AGFG2: variants seen among roughly 807,000 people sequenced by gnomAD.
The protein encoded by AGFG2 is arf-GAP domain and FG repeat-containing protein 2.
A neutral mutation model predicts 48.0 loss-of-function variants in AGFG2; 31 were observed. The ratio of observed to expected loss-of-function variants is 0.65; its 90% CI spans 0.49 to 0.87. The LOEUF is 0.87. Among genes scored for constraint, AGFG2 ranks in the 40% least tolerant of loss-of-function variants. The pLI is 0.00. For missense variants in AGFG2, 599 were observed against 632.6 expected (o/e 0.95, Z 0.57); for synonymous variants, 229 against 260.8 (o/e 0.88, Z 1.18).
At chr7:100,541,593 C>T (rs1331897692) in intron 1 of AGFG2, among the ~76,000 whole-genome samples, 1 of 151,880 alleles carries the variant, frequency 6.6e-6, no homozygotes, top group East Asian at 1.9e-4. Context: ...GAAATCTCAT[C>T]TCTTACTAAA....
intron 11 of AGFG2, among the ~76,000 whole-genome samples, chr7:100,564,521 C>CTTTT (rs1246687723): frequency 7.1e-6 from 1 of 140,844 alleles, no homozygotes; most frequent in Non-Finnish European, 1.6e-5. Context: ...CCTCACTTTC[C>CTTTT]TTTTTTTTTT....
chr7:100,564,791 A>G, intron 11 of AGFG2, 141 bp from the exon 12 acceptor site: 2 of 922,456 alleles, frequency 2.2e-6, no homozygotes, highest in Non-Finnish European at 3.5e-6. Flanking sequence ...GGCATGAGCT[A>G]CCGTGCCTGG....
chr7:100,561,454 C>T (rs1800870078), intron 6 of AGFG2, among the ~76,000 whole-genome samples: 2 of 152,186 alleles, frequency 1.3e-5, no homozygotes, highest in East Asian at 3.8e-4. Context: ...TCTGGACCCT[C>T]CTTTTACATT....
At chr7:100,555,587 C>T in intron 5 of AGFG2, 23 bp from the exon 6 acceptor site, 2 of 1,610,422 alleles carry the variant, frequency 1.2e-6, no homozygotes, top group Non-Finnish European at 1.7e-6. Flanking sequence ...TCTATATAAC[C>T]TTTATGTTTC....
intron 6 of AGFG2, among the ~76,000 whole-genome samples, chr7:100,558,716 T>G (rs1268178851): frequency 6.6e-6 from 1 of 151,966 alleles, no homozygotes; most frequent in Non-Finnish European, 1.5e-5. Context: ...TAATTTTTTG[T>G]ATTTTTAGTA....
chr7:100,564,899 CT>C, intron 11 of AGFG2, 32 bp from the exon 12 acceptor site: 1 of 1,610,834 alleles, frequency 6.2e-7, no homozygotes, highest in Non-Finnish European at 8.5e-7. Context: ...TTCCTCTCCC[CT>C]AACTGGAAAA....
rs559147908 is a variant in AGFG2, at chr7:100,542,084, C to T, written c.221+2517C>T. Among the ~76,000 whole-genome samples the T allele has an allele frequency of 1.8e-3, 275 of 152,202 alleles. 2 individuals are homozygous for T. Among genetic ancestry groups the T allele is most frequent in the African/African-American group, 6.1e-3 (252 of 41,534 alleles). On this transcript the variant is annotated intron_variant, in intron 1 of 11. Coordinates refer to ENST00000300176, the MANE Select transcript of AGFG2 (RefSeq NM_006076.5). The stretch of plus-strand genomic sequence containing the variant: ...AGGCTGGAGTGCAATGGCGCGATCT[C>T]GGCTCATTGCAACCCCTGCCTCCTG...
chr7:100,539,506 G>T lies in AGFG2; in HGVS notation c.160G>T (p.Gly54Trp), dbSNP rs1800380441. 2.3e-6 allele frequency: 3 copies of T among 1,316,646 alleles called. No homozygotes were observed. The highest frequency in any genetic ancestry group is 1.5e-5 in the African/African-American group (1 of 65,368). 81.6% of individuals were successfully genotyped at this position (1,316,646 alleles called of 1,614,324 possible). A position where few individuals can be genotyped will look rare whatever the true frequency, so the allele number is the denominator to read the frequency against. ...NRHCFECAQR[G>W]VTYVDITVGS... ...CCACTGCTTCGAGTGCGCCCAGCGCGGGGTCACCTACGTGGATATCACCGT... is the reference window on the plus strand; with the variant it reads ...CCACTGCTTCGAGTGCGCCCAGCGCTGGGTCACCTACGTGGATATCACCGT... Residue 54 changes from glycine to tryptophan, a missense_variant, in exon 1 of 12, where the codon GGG (glycine) becomes TGG (tryptophan). Physicochemically the swap from Gly to Trp is radical, Grantham distance 184. Transcript: ENST00000300176.
intron 2 of AGFG2, 65 bp from the exon 3 acceptor site, chr7:100,550,327 AAAAG>A: frequency 3.9e-6 from 4 of 1,015,022 alleles, no homozygotes; most frequent in Non-Finnish European, 5.9e-6. Flanking sequence ...AAAAAAAAAA[AAAAG>A]GAAGTGGTAT....
At position 100,548,903 on chromosome 7, in the gene AGFG2, C is replaced by T; in HGVS notation, c.303C>T (p.Ser101=). Residue 101 remains serine (S), a synonymous_variant, in exon 2 of 12, where the codon TCC becomes TCT. Transcript: ENST00000300176. ...AGCCTGAAGTAGTATTCCTGCAATC[C>T]CGTGGAAATGAGGTGAGCTGCCACC... ...FTEPEVVFLQ[S]RGNEVCRKIW... 5 of 1,613,564 alleles carry T rather than the reference C, an allele frequency of 3.1e-6. No homozygotes were observed. Among genetic ancestry groups the T allele is most frequent in the Non-Finnish European group, 4.2e-6 (5 of 1,179,632 alleles).
At position 100,555,949 on chromosome 7, in the gene AGFG2, T is replaced by A; in HGVS notation, c.877+214T>A. On this transcript the variant is annotated intron_variant, in intron 6 of 11. Coordinates refer to ENST00000300176, the MANE Select transcript of AGFG2 (RefSeq NM_006076.5). Reference sequence around the variant, plus strand: ...TGCTTTTTCATGAAAGGAAAATGACTAAGATTGCAGCAGGAGCTGTGTGGG... The same window carrying A: ...TGCTTTTTCATGAAAGGAAAATGACAAAGATTGCAGCAGGAGCTGTGTGGG... The A allele has an allele frequency of 5.4e-6, 3 of 559,300 alleles. No individual in the cohort carries two copies. The South Asian group carries it at 8.5e-5, about 16-fold the overall frequency. The allele number at this position is 559,300 out of a possible 1,614,324, so 34.6% of individuals were successfully genotyped here.
In AGFG2 at chr7:100,565,314, G is replaced by T. The variant is rs1366698648; in HGVS notation, c.*323G>T. The T allele has an allele frequency of 2.4e-6, 1 of 409,516 alleles. No individual in the cohort carries two copies. Among genetic ancestry groups the T allele is most frequent in the East Asian group, 5.1e-5 (1 of 19,654 alleles). 25.4% of individuals were successfully genotyped at this position (409,516 alleles called of 1,614,324 possible). On this transcript the variant is annotated 3_prime_UTR_variant, in exon 12 of 12. Coordinates refer to ENST00000300176, the MANE Select transcript of AGFG2 (RefSeq NM_006076.5). Reference sequence around the variant, plus strand: ...AACAGCTCTTCCCTGGGCCTAGCTCGCCAGCGCTGTGCTCCTCATGGACGG... The same window carrying T: ...AACAGCTCTTCCCTGGGCCTAGCTCTCCAGCGCTGTGCTCCTCATGGACGG...
Position 100,565,284 on chromosome 7 carries a change from T to A in AGFG2, c.*293T>A. ...GATTTTTTTCAAATGATCAGTCCCCTGTGGAACAGCTCTTCCCTGGGCCTA... is the reference window on the plus strand; with the variant it reads ...GATTTTTTTCAAATGATCAGTCCCCAGTGGAACAGCTCTTCCCTGGGCCTA... On this transcript the variant is annotated 3_prime_UTR_variant, in exon 12 of 12. Transcript: ENST00000300176. 2.0e-6 allele frequency: 1 copy of A among 491,056 alleles called. No homozygotes were observed. Among genetic ancestry groups the A allele is most frequent in the Non-Finnish European group, 3.7e-6 (1 of 268,606 alleles). 30.4% of individuals were successfully genotyped at this position (491,056 alleles called of 1,614,324 possible).
intron 9 of AGFG2, among the ~76,000 whole-genome samples, 193 bp downstream of exon 9, chr7:100,563,139 C>T (rs1800916428): frequency 6.6e-6 from 1 of 152,238 alleles, no homozygotes; most frequent in South Asian, 2.1e-4. Context: ...TAGAAGCACA[C>T]AGGTGGCTAC....
rs1562793260 is a variant in AGFG2 at position 100,554,161 on chromosome 7, CAAAA to C, written c.657_660del (p.Lys220ProfsTer176). The stretch of plus-strand genomic sequence containing the variant: ...CTCAGCCACCTCCCCACTCCTCTGT[CAAAA>C]AAGCCAGTACTGACCTGCTGGCTGA... On this transcript the variant is annotated frameshift_variant, in exon 5 of 12. Transcript: ENST00000300176. LOFTEE classifies it high-confidence loss of function. 6.2e-7 allele frequency: 1 copy of C among 1,614,048 alleles called. No individual in the cohort carries two copies. Among genetic ancestry groups the C allele is most frequent in the Non-Finnish European group, 8.5e-7 (1 of 1,180,036 alleles).
intron 1 of AGFG2, among the ~76,000 whole-genome samples, chr7:100,548,315 A>AG (rs1301761080): frequency 8.0e-6 from 1 of 125,250 alleles, no homozygotes; most frequent in Non-Finnish European, 1.7e-5. Context: ...TGGGGGTTGG[A>AG]GGGGGGTGGT....
At chr7:100,548,051 TG>T (rs891566031) in intron 1 of AGFG2, among the ~76,000 whole-genome samples, 2 of 152,144 alleles carry the variant, frequency 1.3e-5, no homozygotes, top group African/African-American at 4.8e-5. Flanking sequence ...TTTGTGTTTT[TG>T]TGGGCCCTGG....
At chr7:100,552,071 C>T (rs1800658986) in intron 3 of AGFG2, among the ~76,000 whole-genome samples, 1 of 151,508 alleles carries the variant, frequency 6.6e-6, no homozygotes, top group African/African-American at 2.4e-5. Context: ...ATGGTGAAAC[C>T]CCGTCTCTAC....
intron 1 of AGFG2, among the ~76,000 whole-genome samples, chr7:100,542,501 T>C (rs1340335013): frequency 2.6e-5 from 4 of 152,146 alleles, no homozygotes; most frequent in Admixed American, 2.0e-4. Context: ...TGAAGGTATG[T>C]TGAGAGTGAG....
Sources: allele counts gnomAD v4.1 joint callset (sites outside exome capture counted in the v4.1 genomes callset), GRCh38; gene constraint gnomAD v4.1.1; transcripts MANE v1.5; gene names NCBI Gene and HGNC (gene_info 2026-07-23, HGNC 2026-07-21).